DPYD: variants seen among roughly 807,000 people sequenced by gnomAD.
DPYD encodes the protein dihydropyrimidine dehydrogenase.
A neutral mutation model predicts 116.2 loss-of-function variants in DPYD; 109 were observed. The ratio of observed to expected loss-of-function variants is 0.94; its 90% CI spans 0.80 to 1.10. The LOEUF is 1.10. DPYD is among the 50% of genes least tolerant of loss of function. The pLI, the probability that DPYD is intolerant of heterozygous loss-of-function variation, is 0.00. For synonymous variants in DPYD, 440 were observed against 432.0 expected (o/e 1.02, Z -0.23); for missense variants, 1,302 against 1,254.5 (o/e 1.04, Z -0.57).
intron 18 of DPYD, among the ~76,000 whole-genome samples, chr1:97,235,244 T>C (rs1278540318): frequency 6.6e-6 from 1 of 152,216 alleles, no homozygotes; most frequent in Non-Finnish European, 1.5e-5. Flanking sequence ...GTTATACAAG[T>C]AGGTATAGCA....
chr1:97,596,112 C>A (rs534729608), intron 8 of DPYD, among the ~76,000 whole-genome samples: 10 of 152,000 alleles, frequency 6.6e-5, no homozygotes, highest in African/African-American at 1.9e-4. Context: ...ACCAGAATGT[C>A]AGGTAAATGA....
At chr1:97,472,057 A>G (rs1367439949) in intron 13 of DPYD, among the ~76,000 whole-genome samples, 3 of 147,552 alleles carry the variant, frequency 2.0e-5, no homozygotes, top group African/African-American at 7.5e-5. Flanking sequence ...TAAGGAAAAG[A>G]GTCATACAAA....
chr1:97,526,211 T>A (rs1278533515), intron 12 of DPYD, among the ~76,000 whole-genome samples: 1 of 152,176 alleles, frequency 6.6e-6, no homozygotes, highest in Admixed American at 6.5e-5. Flanking sequence ...ATGAAACTCA[T>A]GCAGAAATGC....
intron 13 of DPYD, among the ~76,000 whole-genome samples, chr1:97,450,572 TTC>T (rs1226991282): frequency 6.6e-6 from 1 of 151,912 alleles, no homozygotes; most frequent in Non-Finnish European, 1.5e-5. Context: ...AGTTTATCAT[TTC>T]TGTCTATTTA....
At chr1:97,188,604 G>A (rs1658155277) in intron 20 of DPYD, among the ~76,000 whole-genome samples, 1 of 152,182 alleles carries the variant, frequency 6.6e-6, no homozygotes, top group Non-Finnish European at 1.5e-5. Context: ...ACCATGGGCT[G>A]TAATAAAATA....
Position 97,078,589 on chromosome 1 carries a change from T to C in DPYD, c.*387A>G, listed in dbSNP as rs538293673. 5.5e-5 allele frequency: 14 copies of C among 253,436 alleles called. No homozygotes were observed. The South Asian group carries it at 6.6e-4, about 12-fold the overall frequency. The allele number at this position is 253,436 out of a possible 1,614,324, so 15.7% of individuals were successfully genotyped here. A position where few individuals can be genotyped will look rare whatever the true frequency, so the allele number is the denominator to read the frequency against. On this transcript the variant is annotated 3_prime_UTR_variant, in exon 23 of 23. Coordinates refer to ENST00000370192, the MANE Select transcript of DPYD (RefSeq NM_000110.4). ...CATTTTCTTGTATGTTAAAGAGTACTTTGTTTCAAAATGCTTAATTTCACT... is the reference window on the plus strand; with the variant it reads ...CATTTTCTTGTATGTTAAAGAGTACCTTGTTTCAAAATGCTTAATTTCACT...
chr1:97,120,272 GTTT>G (rs1652322957), intron 20 of DPYD, among the ~76,000 whole-genome samples: 1 of 152,056 alleles, frequency 6.6e-6, no homozygotes, highest in South Asian at 2.1e-4. Flanking sequence ...CCTCAATGAG[GTTT>G]CATCTTAATC....
intron 14 of DPYD, among the ~76,000 whole-genome samples, chr1:97,390,377 C>T (rs1466197883): frequency 2.6e-5 from 4 of 151,948 alleles, no homozygotes; most frequent in African/African-American, 9.7e-5. Flanking sequence ...CAGCATGAGA[C>T]ATTTGATTTT....
intron 8 of DPYD, among the ~76,000 whole-genome samples, chr1:97,632,202 C>T (rs1211145436): frequency 6.6e-6 from 1 of 152,084 alleles, no homozygotes; most frequent in Non-Finnish European, 1.5e-5. Flanking sequence ...TGTATTCTGG[C>T]TGGCTGCCAT....
At chr1:97,890,837 T>C (rs1412299970) in intron 1 of DPYD, among the ~76,000 whole-genome samples, 3 of 152,026 alleles carry the variant, frequency 2.0e-5, no homozygotes, top group African/African-American at 4.8e-5. Flanking sequence ...TATGTCAGCA[T>C]AGCAATATAA....
At chr1:97,507,014 A>G (rs1448741714) in intron 13 of DPYD, among the ~76,000 whole-genome samples, 1 of 152,016 alleles carries the variant, frequency 6.6e-6, no homozygotes, top group Middle Eastern at 3.2e-3. Flanking sequence ...CGAGTGTGCA[A>G]GCACACATAC....
chr1:97,881,810 C>A (rs1012566488), intron 2 of DPYD, among the ~76,000 whole-genome samples: 1 of 151,280 alleles, frequency 6.6e-6, no homozygotes. Context: ...GCTTGATAGT[C>A]TTTAAGGGCT....
At chr1:97,797,984 A>G (rs1336153524) in intron 3 of DPYD, 1 of 152,118 alleles carries the variant, frequency 6.6e-6, no homozygotes, top group Non-Finnish European at 1.5e-5. Flanking sequence ...AACCAAAACA[A>G]CTAACTCTGG....
In DPYD at chr1:97,799,676, A is replaced by G. The variant is rs540509452; in HGVS notation, c.233+28438T>C. 1.4e-3 allele frequency among the ~76,000 whole-genome samples: 208 copies of G among 152,070 alleles called. 1 individual carries two copies. Among genetic ancestry groups the G allele is most frequent in the Admixed American group, 2.4e-3 (37 of 15,216 alleles). ...AATACTTTAATCCATTTTCTTAAAA[A>G]TCCATAACAAAATTACTAAGATCTC... On this transcript the variant is annotated intron_variant, in intron 3 of 22. Transcript: ENST00000370192.
intron 5 of DPYD, among the ~76,000 whole-genome samples, chr1:97,700,875 T>C (rs531379029): frequency 6.6e-6 from 1 of 151,522 alleles, no homozygotes; most frequent in African/African-American, 2.4e-5. Flanking sequence ...GTAAAACATA[T>C]TTAGCAAAAA....
intron 4 of DPYD, among the ~76,000 whole-genome samples, chr1:97,729,446 T>G: frequency 6.6e-6 from 1 of 152,130 alleles, no homozygotes; most frequent in East Asian, 1.9e-4. Context: ...TCAGTGAACT[T>G]AGGTTCCCAC....
At chr1:97,130,272 A>ACTTTCTTTTT (rs1653175631) in intron 20 of DPYD, among the ~76,000 whole-genome samples, 3 of 152,204 alleles carry the variant, frequency 2.0e-5, no homozygotes, top group Non-Finnish European at 4.4e-5. Context: ...AAGAAAGTAT[A>ACTTTCTTTTT]AAATGCTACA....
At chr1:97,355,332 G>A (rs189265201) in intron 16 of DPYD, among the ~76,000 whole-genome samples, 3 of 152,106 alleles carry the variant, frequency 2.0e-5, no homozygotes, top group South Asian at 2.1e-4. Flanking sequence ...TGAATACAAT[G>A]TATACGTTAA....
intron 3 of DPYD, among the ~76,000 whole-genome samples, chr1:97,747,869 A>G (rs1464179371): frequency 1.3e-5 from 2 of 152,172 alleles, no homozygotes; most frequent in Non-Finnish European, 2.9e-5. Context: ...ACTCTCTGAC[A>G]TGACTTTTCT....
Sources: gnomAD v4.1 joint callset for allele counts (sites outside exome capture counted in the v4.1 genomes callset) on GRCh38, gnomAD v4.1.1 for gene constraint, MANE v1.5 for transcripts, NCBI Gene and HGNC (gene_info 2026-07-23, HGNC 2026-07-21) for gene names.